TRIO: variants seen among roughly 807,000 people sequenced by gnomAD.
TRIO encodes the protein trio Rho guanine nucleotide exchange factor, also known as triple functional domain protein.
A neutral mutation model predicts 351.9 loss-of-function variants in TRIO; 58 were observed. The ratio of observed to expected loss-of-function variants is 0.16; its 90% CI spans 0.13 to 0.21. TRIO has a LOEUF of 0.21. TRIO is among the 10% of genes least tolerant of loss of function. The pLI is 1.00. For missense variants in TRIO, 3,201 were observed against 4,027.8 expected, an observed-to-expected ratio of 0.79 and a Z score of 5.56; for synonymous variants, 1,758 against 1,595.7, an observed-to-expected ratio of 1.10 and a Z score of -2.42.
At chr5:14,331,323 A>G (rs925150489) in intron 10 of TRIO, among the ~76,000 whole-genome samples, 1 of 152,000 alleles carries the variant, frequency 6.6e-6, no homozygotes, top group East Asian at 1.9e-4. Flanking sequence ...CGAATGTGGG[A>G]TTTGTGGGGT....
chr5:14,302,569 G>A (rs945282322), intron 7 of TRIO, among the ~76,000 whole-genome samples: 5 of 152,158 alleles, frequency 3.3e-5, no homozygotes, highest in Admixed American at 6.5e-5. Flanking sequence ...ACTTAATGCC[G>A]TATGAACTGG....
chr5:14,394,392 A>G (rs983963318), intron 28 of TRIO, among the ~76,000 whole-genome samples: 1 of 152,116 alleles, frequency 6.6e-6, no homozygotes, highest in African/African-American at 2.4e-5. Context: ...ATATTTTAGT[A>G]CCCTTAGTTC....
chr5:14,195,751 G>T (rs1466803496), intron 1 of TRIO, among the ~76,000 whole-genome samples: 1 of 152,156 alleles, frequency 6.6e-6, no homozygotes, highest in Admixed American at 6.5e-5. Context: ...ATTTGATTCT[G>T]CTGATTGTGA....
chr5:14,358,425 A>G, intron 12 of TRIO, 78 bp downstream of exon 12: 8 of 1,525,036 alleles, frequency 5.2e-6, no homozygotes, highest in Non-Finnish European at 6.3e-6. Context: ...TACTCTTGTG[A>G]GTGGTCAGCT....
intron 40 of TRIO, 73 bp downstream of exon 40, chr5:14,474,170 A>G: frequency 1.4e-6 from 2 of 1,446,974 alleles, no homozygotes; most frequent in Non-Finnish European, 1.9e-6. Flanking sequence ...GGCCAGGCCA[A>G]AGGGAATTTA....
At chr5:14,506,897 C>T (rs766278443) in intron 55 of TRIO, among the ~76,000 whole-genome samples, 18 of 152,216 alleles carry the variant, frequency 1.2e-4, no homozygotes, top group East Asian at 1.9e-4. Flanking sequence ...GCTCTACCAC[C>T]GGCTTCCCTC....
At chr5:14,263,256 G>C (rs1474171494) in intron 1 of TRIO, among the ~76,000 whole-genome samples, 1 of 152,090 alleles carries the variant, frequency 6.6e-6, no homozygotes, top group Non-Finnish European at 1.5e-5. Flanking sequence ...TTGTATATGA[G>C]CACCCCCAAC....
At chr5:14,159,041 T>C (rs543298835) in intron 1 of TRIO, among the ~76,000 whole-genome samples, 55 of 152,286 alleles carry the variant, frequency 3.6e-4, no homozygotes, top group African/African-American at 1.1e-3. Flanking sequence ...CAGGTGGCTA[T>C]AGGGACAAGG....
chr5:14,192,491 C>G (rs1170107833), intron 1 of TRIO, among the ~76,000 whole-genome samples: 1 of 152,094 alleles, frequency 6.6e-6, no homozygotes, highest in African/African-American at 2.4e-5. Context: ...CCAGGTTGGT[C>G]TCGAGTCCCT....
At chr5:14,188,062 T>C (rs73055600) in intron 1 of TRIO, among the ~76,000 whole-genome samples, 6,598 of 152,280 alleles carry the variant, frequency 0.043, 491 homozygotes, top group African/African-American at 0.15. Flanking sequence ...AGCTGTAACT[T>C]TTGAATAGTG....
At chr5:14,474,241 A>T (rs1335901857) in intron 40 of TRIO, 144 bp downstream of exon 40, 2 of 685,222 alleles carry the variant, frequency 2.9e-6, no homozygotes, top group African/African-American at 1.8e-5. Flanking sequence ...GGAGATATTG[A>T]TGTACCCAGG....
chr5:14,214,502 A>G (rs1180191467), intron 1 of TRIO, among the ~76,000 whole-genome samples: 1 of 152,226 alleles, frequency 6.6e-6, no homozygotes, highest in Non-Finnish European at 1.5e-5. Context: ...TTGGAAATAC[A>G]GGTTAGTCTG....
At chr5:14,367,026 G>A in intron 16 of TRIO, 47 bp downstream of exon 16, 1 of 1,609,414 alleles carries the variant, frequency 6.2e-7, no homozygotes, top group East Asian at 2.2e-5. Context: ...CATTCCTCAG[G>A]ACAAACATCC....
intron 1 of TRIO, among the ~76,000 whole-genome samples, chr5:14,249,805 A>G (rs1794636660): frequency 6.6e-6 from 1 of 152,244 alleles, no homozygotes; most frequent in Non-Finnish European, 1.5e-5. Context: ...CCTGACACCC[A>G]GAGCAGCTTC....
chr5:14,232,740 A>G (rs561321091), intron 1 of TRIO, among the ~76,000 whole-genome samples: 4 of 152,246 alleles, frequency 2.6e-5, no homozygotes, highest in Non-Finnish European at 5.9e-5. Context: ...TTAGAAAAGA[A>G]TTGAGTATAT....
chr5:14,341,662 C>G (rs1299262317), intron 11 of TRIO, among the ~76,000 whole-genome samples: 1 of 152,228 alleles, frequency 6.6e-6, no homozygotes, highest in East Asian at 1.9e-4. Flanking sequence ...ACTTCATTCT[C>G]AAAATTAGGT....
intron 1 of TRIO, among the ~76,000 whole-genome samples, chr5:14,196,640 C>T (rs371065437): frequency 1.3e-5 from 2 of 152,246 alleles, no homozygotes; most frequent in East Asian, 1.9e-4. Context: ...ACATTATAAC[C>T]TGTGCTCTCC....
At position 14,336,524 on chromosome 5, in the gene TRIO, T is replaced by A; in HGVS notation, c.1855-12T>A. The A allele has an allele frequency of 6.2e-7, 1 of 1,610,580 alleles. No individual in the cohort carries two copies. On this transcript the variant is annotated splice_polypyrimidine_tract_variant and intron_variant, in intron 10 of 56. Transcript: ENST00000344204. ...CTTACCTTCTGTTTCTCTGGGATGT[T>A]CTCTTGTGCAGAACACATACACCAA... is the stretch of plus-strand genomic sequence containing the variant.
At chr5:14,406,038 G>T in intron 32 of TRIO, 48 bp downstream of exon 32, 1 of 1,596,218 alleles carries the variant, frequency 6.3e-7, no homozygotes, top group Admixed American at 1.7e-5. Flanking sequence ...GGAGGGAGGG[G>T]CGAGGCGGTG....
Sources: allele counts gnomAD v4.1 joint callset (sites outside exome capture counted in the v4.1 genomes callset), GRCh38; gene constraint gnomAD v4.1.1; transcripts MANE v1.5; gene names NCBI Gene and HGNC (gene_info 2026-07-23, HGNC 2026-07-21).